Variants in BCL2L11 observed in about 807,000 individuals in gnomAD.
BCL2L11 encodes bcl-2-like protein 11.
BCL2L11 carries 15 observed loss-of-function variants against 20.6 expected under a neutral mutation model. The observed-to-expected ratio is 0.73, with a 90% CI of 0.49 to 1.12. The LOEUF (loss-of-function observed/expected upper bound fraction) is 1.12. BCL2L11 is among the 50% of genes most tolerant of loss of function. BCL2L11 has a pLI of 0.00. For synonymous variants in BCL2L11, 108 were observed against 92.8 expected, an observed-to-expected ratio of 1.16 and a Z score of -0.94; for missense variants, 292 against 260.9, an observed-to-expected ratio of 1.12 and a Z score of -0.82.
chr2:111,152,438 A>G (rs139665805), intron 3 of BCL2L11, among the ~76,000 whole-genome samples: 189 of 152,312 alleles, frequency 1.2e-3, no homozygotes, highest in Non-Finnish European at 2.3e-3. Flanking sequence ...GTGTTAAAGG[A>G]TATTATACAA....
In BCL2L11 at chr2:111,146,083, C is replaced by T. The variant is rs2076473369; in HGVS notation, c.395-3961C>T. 17 of 984,244 alleles carry T rather than the reference C, an allele frequency of 1.7e-5. No individual in the cohort carries two copies. The South Asian group carries it at 5.6e-4, about 33-fold the overall frequency. The allele number at this position is 984,244 out of a possible 1,614,324, so 61.0% of individuals were successfully genotyped here. ...CAAGAGCAGTTTATATTTTATTGTGCTTTAAAAAAAAAATTTAGTGCCAGG... is the reference window on the plus strand; with the variant it reads ...CAAGAGCAGTTTATATTTTATTGTGTTTTAAAAAAAAAATTTAGTGCCAGG... On this transcript the variant is annotated intron_variant, in intron 2 of 3. Transcript: ENST00000393256.
chr2:111,128,861 TCTAC>T, intron 2 of BCL2L11: 2 of 1,409,800 alleles, frequency 1.4e-6, no homozygotes, highest in Non-Finnish European at 1.9e-6. Flanking sequence ...TCTGTTTCTT[TCTAC>T]CTTTTTAAAC....
chr2:111,140,383 G>C (rs1272307234), intron 2 of BCL2L11, among the ~76,000 whole-genome samples: 1 of 152,152 alleles, frequency 6.6e-6, no homozygotes, highest in Non-Finnish European at 1.5e-5. Flanking sequence ...TTGTATTCCT[G>C]GGTCATAACA....
chr2:111,130,353 CT>C (rs2150316191), intron 2 of BCL2L11: 3 of 231,690 alleles, frequency 1.3e-5, no homozygotes, highest in South Asian at 1.2e-4. Context: ...ATCTGCCCGC[CT>C]TGGCCTCCCA....
intron 2 of BCL2L11, among the ~76,000 whole-genome samples, chr2:111,143,858 T>TA (rs1248021986): frequency 5.3e-5 from 8 of 152,130 alleles, no homozygotes; most frequent in Admixed American, 5.2e-4. Flanking sequence ...GAGAAATGAG[T>TA]AAAAAGGCAT....
intron 3 of BCL2L11, 162 bp downstream of exon 3, chr2:111,150,309 T>G: frequency 7.1e-7 from 1 of 1,408,440 alleles, no homozygotes; most frequent in South Asian, 1.3e-5. Context: ...CATTTTTCAT[T>G]TGTTTTATGA....
At chr2:111,121,962 T>G (rs2150118348) in intron 1 of BCL2L11, among the ~76,000 whole-genome samples, 1 of 152,294 alleles carries the variant, frequency 6.6e-6, no homozygotes, top group South Asian at 2.1e-4. Flanking sequence ...CCGACCCGGT[T>G]CGCGGTGCAG....
intron 2 of BCL2L11, among the ~76,000 whole-genome samples, chr2:111,129,462 A>C (rs2073432787): frequency 1.3e-5 from 2 of 152,242 alleles, no homozygotes; most frequent in East Asian, 3.8e-4. Flanking sequence ...TCAGATAATT[A>C]CAGATTCACA....
Position 111,123,830 on chromosome 2 carries a change from A to T in BCL2L11, c.85A>T (p.Arg29Ter). The change falls in exon 2 of 4, where the codon AGA becomes TGA. Residue 29 changes from arginine to a stop codon, truncating the protein, a stop_gained. Coordinates refer to ENST00000393256, the MANE Select transcript of BCL2L11 (RefSeq NM_138621.5). LOFTEE classifies it high-confidence loss of function. ...LQPAERPPQL[R>*]PGAPTSLQTE... ...GCCTGCGGAGAGGCCTCCCCAGCTC[A>T]GACCTGGGGCCCCTACCTCCCTACA... 4.5e-6 allele frequency: 7 copies of T among 1,542,306 alleles called. No individual in the cohort carries two copies. Among genetic ancestry groups the T allele is most frequent in the Non-Finnish European group, 5.2e-6 (6 of 1,147,062 alleles).
intron 1 of BCL2L11, 36 bp from the exon 2 acceptor site, chr2:111,123,697 T>G: frequency 1.4e-6 from 2 of 1,380,506 alleles, no homozygotes; most frequent in East Asian, 2.6e-5. Context: ...TTTTTTTTTT[T>G]GCTTAAAATA....
At position 111,165,466 on chromosome 2, in the gene BCL2L11, A is replaced by G. The variant is rs1264465619; in HGVS notation, c.*1235A>G. ...TTCACTTTGAAACAGGCCTCATCCC[A>G]CTTCCACCAGCACCATAGAAGAATA... On this transcript the variant is annotated 3_prime_UTR_variant, in exon 4 of 4. Transcript: ENST00000393256. The G allele has an allele frequency of 6.6e-6, 1 of 152,208 alleles. No homozygotes were observed. The highest frequency in any genetic ancestry group is 1.5e-5 in the Non-Finnish European group (1 of 68,046). 9.4% of individuals were successfully genotyped at this position (152,208 alleles called of 1,614,324 possible). A position where few individuals can be genotyped will look rare whatever the true frequency, so the allele number is the denominator to read the frequency against.
chr2:111,125,238 TGAAAA>T (rs943185155), intron 2 of BCL2L11, among the ~76,000 whole-genome samples: 2 of 152,202 alleles, frequency 1.3e-5, no homozygotes, highest in African/African-American at 4.8e-5. Context: ...TTGTACAAGC[TGAAAA>T]GAAACATCTG....
chr2:111,124,889 C>T (rs2072192055), intron 2 of BCL2L11, among the ~76,000 whole-genome samples: 1 of 152,188 alleles, frequency 6.6e-6, no homozygotes, highest in South Asian at 2.1e-4. Flanking sequence ...CTAAATTCCT[C>T]TTTGTGCTTA....
intron 3 of BCL2L11, chr2:111,151,997 G>A (rs754854896): frequency 1.3e-4 from 129 of 984,212 alleles, no homozygotes; most frequent in Middle Eastern, 6.3e-4. Context: ...TGGTGTTCCT[G>A]TGTGTGACTG....
At chr2:111,153,748 A>G in intron 3 of BCL2L11, 2 of 1,552,126 alleles carry the variant, frequency 1.3e-6, no homozygotes, top group South Asian at 2.4e-5. Flanking sequence ...GAGCCTTGCA[A>G]AGCCTGACAG....
rs1254861700 is a variant in BCL2L11, at chr2:111,167,964, C to G, written c.*3733C>G. The G allele has an allele frequency of 6.5e-6, 1 of 152,688 alleles. No homozygotes were observed. Among genetic ancestry groups the G allele is most frequent in the African/African-American group, 2.4e-5 (1 of 41,462 alleles). 9.5% of individuals were successfully genotyped at this position (152,688 alleles called of 1,614,324 possible). ...GGTTCCATGCAGGTGGTTCTGCCATCCCTGCTGATTTAGCCTGGTGCCTGT... is the reference window on the plus strand; with the variant it reads ...GGTTCCATGCAGGTGGTTCTGCCATGCCTGCTGATTTAGCCTGGTGCCTGT... On this transcript the variant is annotated 3_prime_UTR_variant, in exon 4 of 4. Transcript: ENST00000393256.
At chr2:111,151,880 C>T in intron 3 of BCL2L11, 1 of 1,548,842 alleles carries the variant, frequency 6.5e-7, no homozygotes, top group South Asian at 1.2e-5. Context: ...ACATTCCAGC[C>T]TAGATCTGAA....
intron 2 of BCL2L11, chr2:111,131,247 G>C (rs1436620123): frequency 8.5e-6 from 1 of 118,038 alleles, no homozygotes; most frequent in East Asian, 3.1e-4. Flanking sequence ...GGGATGGGGG[G>C]CGGGCGGGCA....
At chr2:111,129,539 A>G (rs1020550649) in intron 2 of BCL2L11, among the ~76,000 whole-genome samples, 2 of 152,260 alleles carry the variant, frequency 1.3e-5, no homozygotes, top group Non-Finnish European at 2.9e-5. Flanking sequence ...CGATGGTAAC[A>G]TCTTGCCTAA....
Sources: gnomAD v4.1 joint callset for allele counts (sites outside exome capture counted in the v4.1 genomes callset) on GRCh38, gnomAD v4.1.1 for gene constraint, MANE v1.5 for transcripts, NCBI Gene and HGNC (gene_info 2026-07-23, HGNC 2026-07-21) for gene names.